The following STARD13 variants were observed in gnomAD, a reference collection of about 807,000 sequenced individuals.
The protein encoded by STARD13 is StAR related lipid transfer domain containing 13.
In STARD13, 62 loss-of-function variants were observed where a neutral mutation model predicts 106.4. The observed-to-expected ratio is 0.58, with a 90% CI of 0.48 to 0.72. The LOEUF (loss-of-function observed/expected upper bound fraction) is 0.72. Ranked by LOEUF, STARD13 falls within the 30% of genes least tolerant of loss-of-function variation. The probability of loss-of-function intolerance (pLI) is 0.00; values close to 1 mark genes in which losing one functional copy is unlikely to be tolerated. For synonymous variants in STARD13, 565 were observed against 553.0 expected (o/e 1.02, Z -0.31); for missense variants, 1,387 against 1,424.0 (o/e 0.97, Z 0.42).
chr13:33,378,149 T>C, the STARD13 span, among the ~76,000 whole-genome samples: 3 of 152,148 alleles, frequency 2.0e-5, no homozygotes, highest in African/African-American at 7.2e-5. Context: ...AGTGGTGTTC[T>C]CAGGGAAGTG....
chr13:33,671,727 C>G, the STARD13 span, among the ~76,000 whole-genome samples: 2 of 151,712 alleles, frequency 1.3e-5, no homozygotes, highest in Admixed American at 6.6e-5. Flanking sequence ...AAGACCCTGT[C>G]TCTAAATAAA....
At chr13:33,545,360 G>T in the STARD13 span, among the ~76,000 whole-genome samples, 1 of 152,222 alleles carries the variant, frequency 6.6e-6, no homozygotes, top group Admixed American at 6.5e-5. Context: ...TTCCCAAAGT[G>T]CTGGGATTAC....
At chr13:33,499,114 G>T in the STARD13 span, among the ~76,000 whole-genome samples, 10 of 152,194 alleles carry the variant, frequency 6.6e-5, no homozygotes, top group African/African-American at 2.2e-4. Flanking sequence ...CTCCAGCCTG[G>T]GCAGCAGAGT....
the STARD13 span, among the ~76,000 whole-genome samples, chr13:33,544,949 TTTTA>T: frequency 6.0e-5 from 9 of 150,798 alleles, no homozygotes; most frequent in East Asian, 2.0e-4. Flanking sequence ...AATTTTTTTG[TTTTA>T]TTTATTTATT....
the STARD13 span, among the ~76,000 whole-genome samples, chr13:33,515,048 T>C: frequency 3.9e-5 from 6 of 152,112 alleles, no homozygotes; most frequent in Non-Finnish European, 8.8e-5. Context: ...GGAGGTGATG[T>C]AGAGTAAAGG....
chr13:33,374,799 G>A, the STARD13 span, among the ~76,000 whole-genome samples: 73,258 of 152,016 alleles, frequency 0.48, 19,924 homozygotes, highest in African/African-American at 0.73. Flanking sequence ...TCCTTGTTAG[G>A]CTACAGTGTA....
the STARD13 span, chr13:33,524,185 G>A: frequency 9.3e-7 from 1 of 1,074,472 alleles, no homozygotes; most frequent in Non-Finnish European, 1.2e-6. Context: ...TACACCGTAT[G>A]AACAGGGCAG....
chr13:33,615,643 T>A, the STARD13 span, among the ~76,000 whole-genome samples: 2 of 152,062 alleles, frequency 1.3e-5, no homozygotes, highest in African/African-American at 4.8e-5. Flanking sequence ...CTCTGCAGCA[T>A]GCCAGATCTT....
the STARD13 span, among the ~76,000 whole-genome samples, chr13:33,547,535 G>A: frequency 1.3e-5 from 2 of 152,170 alleles, no homozygotes; most frequent in African/African-American, 4.8e-5. Flanking sequence ...GAGCAAGTAT[G>A]TATAGATAAT....
At chr13:33,131,982 G>A (rs994668966) in intron 4 of STARD13, among the ~76,000 whole-genome samples, 10 of 152,150 alleles carry the variant, frequency 6.6e-5, no homozygotes, top group South Asian at 2.1e-4. Context: ...TGTATCTAGC[G>A]TCCACTTTAA....
the STARD13 span, among the ~76,000 whole-genome samples, chr13:33,504,669 G>T: frequency 6.6e-6 from 1 of 151,898 alleles, no homozygotes; most frequent in East Asian, 1.9e-4. Flanking sequence ...ACGAGTTGAT[G>T]GGTGCAGCAC....
chr13:33,215,845 C>G (rs1888009071), intron 1 of STARD13, among the ~76,000 whole-genome samples: 1 of 152,058 alleles, frequency 6.6e-6, no homozygotes, highest in African/African-American at 2.4e-5. Flanking sequence ...GAATCTACAA[C>G]AAACTCAAAC....
chr13:33,665,783 A>G, the STARD13 span, among the ~76,000 whole-genome samples: 1 of 152,300 alleles, frequency 6.6e-6, no homozygotes, highest in African/African-American at 2.4e-5. Context: ...GTTAAATGAG[A>G]GAAGAGGGAA....
At chr13:33,367,337 G>A in the STARD13 span, among the ~76,000 whole-genome samples, 1 of 152,164 alleles carries the variant, frequency 6.6e-6, no homozygotes, top group Non-Finnish European at 1.5e-5. Flanking sequence ...ACTTCAAGCT[G>A]AGTTTTGAAA....
At chr13:33,367,586 T>C in the STARD13 span, among the ~76,000 whole-genome samples, 1 of 152,148 alleles carries the variant, frequency 6.6e-6, no homozygotes, top group Non-Finnish European at 1.5e-5. Context: ...AGTAAGCTCC[T>C]TATGGTTTCA....
chr13:33,381,074 A>G, the STARD13 span, among the ~76,000 whole-genome samples: 2 of 152,232 alleles, frequency 1.3e-5, no homozygotes, highest in Non-Finnish European at 2.9e-5. Flanking sequence ...CTACGAGTAT[A>G]TAGGAATGCT....
At chr13:33,645,773 G>C in the STARD13 span, among the ~76,000 whole-genome samples, 2 of 152,144 alleles carry the variant, frequency 1.3e-5, no homozygotes, top group Non-Finnish European at 2.9e-5. Context: ...TCTTGGGGCT[G>C]TTTGATTTGT....
At chr13:33,112,535 A>T (rs1461330153) in intron 9 of STARD13, among the ~76,000 whole-genome samples, 186 bp downstream of exon 9, 2 of 152,148 alleles carry the variant, frequency 1.3e-5, no homozygotes, top group Non-Finnish European at 2.9e-5. Context: ...TCTATCATCT[A>T]TGTATCAACT....
At chr13:33,624,031 C>T in the STARD13 span, among the ~76,000 whole-genome samples, 2 of 152,166 alleles carry the variant, frequency 1.3e-5, no homozygotes, top group Admixed American at 1.3e-4. Context: ...AAATAAATTA[C>T]AAACATTTTG....
Sources: allele counts gnomAD v4.1 joint callset (sites outside exome capture counted in the v4.1 genomes callset), GRCh38; gene constraint gnomAD v4.1.1; transcripts MANE v1.5; gene names NCBI Gene and HGNC (gene_info 2026-07-23, HGNC 2026-07-21).